DDX19B: variants seen among roughly 807,000 people sequenced by gnomAD.
DDX19B encodes ATP-dependent RNA helicase DDX19B.
A neutral mutation model predicts 58.1 loss-of-function variants in DDX19B; 27 were observed. The observed-to-expected ratio is 0.46, with a 90% CI of 0.34 to 0.64. The LOEUF (loss-of-function observed/expected upper bound fraction) is 0.64, where lower values mean the gene tolerates loss of function less well. Among genes scored for constraint, DDX19B ranks in the 30% least tolerant of loss-of-function variants. The pLI, the probability that DDX19B is intolerant of heterozygous loss-of-function variation, is 0.01. For synonymous variants in DDX19B, 187 were observed against 214.4 expected (o/e 0.87, Z 1.12); for missense variants, 399 against 596.5 (o/e 0.67, Z 3.45).
At position 70,333,561 on chromosome 16, in the gene DDX19B, G is replaced by C. The variant is rs1341163422; in HGVS notation, c.1419G>C (p.Glu473Asp). ...IERLDTDDLD[E>D]IEKIAN is the part of the protein sequence containing the mutation. ...GATTGGACACAGATGATTTGGACGA[G>C]ATTGAGAAAATAGCCAACTGAGAAG... Residue 473 changes from glutamate (E) to aspartate (D), a missense_variant, in exon 12 of 12, where the codon GAG becomes GAC. Coordinates refer to ENST00000288071, the MANE Select transcript of DDX19B (RefSeq NM_007242.7). 4 of 1,613,890 alleles carry C rather than the reference G, an allele frequency of 2.5e-6. No homozygotes were observed. The highest frequency in any genetic ancestry group is 3.4e-6 in the Non-Finnish European group (4 of 1,179,888).
chr16:70,294,137 A>C (rs890734283), upstream of DDX19B, among the ~76,000 whole-genome samples: 3 of 124,516 alleles, frequency 2.4e-5, no homozygotes, highest in African/African-American at 9.6e-5. Context: ...GCTGGAGTGC[A>C]GTGGCGCGAT....
intron 8 of DDX19B, 72 bp from the exon 9 acceptor site, chr16:70,329,759 C>T: frequency 6.3e-7 from 1 of 1,593,448 alleles, no homozygotes. Context: ...TAGACCCTCC[C>T]AGCTGGGAAG....
upstream of DDX19B, among the ~76,000 whole-genome samples, chr16:70,295,486 A>G (rs558049808): frequency 8.0e-4 from 121 of 150,942 alleles, no homozygotes; most frequent in African/African-American, 2.9e-3. Context: ...GGGTCTCCCT[A>G]TGTTGCCCAG....
intron 3 of DDX19B, 142 bp from the exon 4 acceptor site, chr16:70,315,827 T>A: frequency 8.5e-7 from 1 of 1,171,614 alleles, no homozygotes; most frequent in Non-Finnish European, 1.2e-6. Flanking sequence ...CTATTTTAAT[T>A]TATAAGTCAA....
At chr16:70,315,806 C>G (rs1962367531) in intron 3 of DDX19B, 163 bp from the exon 4 acceptor site, 2 of 1,030,162 alleles carry the variant, frequency 1.9e-6, no homozygotes, top group African/African-American at 3.2e-5. Context: ...TAACTTTTTT[C>G]TTTAATAAAA....
chr16:70,322,891 C>CAAAAAAA (rs113261271), intron 5 of DDX19B, among the ~76,000 whole-genome samples: 19 of 48,158 alleles, frequency 3.9e-4, no homozygotes, highest in Non-Finnish European at 8.0e-4. Context: ...AACTCCGTTG[C>CAAAAAAA]AAAAAAAAAA....
At chr16:70,307,675 A>ATG (rs35186561) in intron 1 of DDX19B, among the ~76,000 whole-genome samples, 9,439 of 149,384 alleles carry the variant, frequency 0.063, 814 homozygotes, top group African/African-American at 0.2. Context: ...ATGTATATAT[A>ATG]TGTGTGTGTG....
chr16:70,332,730 C>A (rs896316489), intron 10 of DDX19B, among the ~76,000 whole-genome samples: 5 of 152,174 alleles, frequency 3.3e-5, no homozygotes, highest in Admixed American at 2.6e-4. Context: ...CCTCTCCCTG[C>A]ACCCCACCCC....
intron 1 of DDX19B, among the ~76,000 whole-genome samples, chr16:70,307,257 T>C (rs1961803861): frequency 6.6e-6 from 1 of 152,216 alleles, no homozygotes; most frequent in Non-Finnish European, 1.5e-5. Context: ...CTGGATTATA[T>C]AGTAATTCTG....
At chr16:70,316,284 A>G in intron 4 of DDX19B, 180 bp downstream of exon 4, 1 of 791,886 alleles carries the variant, frequency 1.3e-6, no homozygotes, top group Non-Finnish European at 1.9e-6. Context: ...ATCTCGGCTC[A>G]CTGCAACCTC....
chr16:70,312,908 A>G lies in DDX19B; in HGVS notation c.106+251A>G, dbSNP rs142783309. Among the ~76,000 whole-genome samples, 116 of 152,276 alleles carry G rather than the reference A, an allele frequency of 7.6e-4. 1 individual carries two copies. Among genetic ancestry groups the G allele is most frequent in the African/African-American group, 2.4e-3 (100 of 41,566 alleles). ...GCCCAGGCTGGAGTGCAGTGGTTCA[A>G]TCATGGTTCACTGGAGCCTCAACCT... is the stretch of plus-strand genomic sequence containing the variant. On this transcript the variant is annotated intron_variant, in intron 2 of 11. Transcript: ENST00000288071.
chr16:70,314,812 C>G (rs1420016118), intron 2 of DDX19B, 90 bp from the exon 3 acceptor site: 1 of 1,467,966 alleles, frequency 6.8e-7, no homozygotes, highest in Non-Finnish European at 9.5e-7. Context: ...CAGGCCTTTA[C>G]AAAAACTTCT....
chr16:70,294,734 G>T, upstream of DDX19B: 1 of 849,512 alleles, frequency 1.2e-6, no homozygotes. Context: ...GCGCTGTACC[G>T]TCCCCTCAGC....
chr16:70,301,855 A>C (rs543393207), intron 1 of DDX19B, among the ~76,000 whole-genome samples: 49 of 150,562 alleles, frequency 3.3e-4, no homozygotes, highest in African/African-American at 1.1e-3. Context: ...ACAGGTGCGC[A>C]CCACTGCATA....
chr16:70,291,694 C>T (rs867528759), upstream of DDX19B, among the ~76,000 whole-genome samples: 21 of 152,098 alleles, frequency 1.4e-4, no homozygotes, highest in Middle Eastern at 0.01. Context: ...GCCTGTAGTC[C>T]CAGCTACTCT....
chr16:70,295,095 A>G, upstream of DDX19B: 6 of 1,273,256 alleles, frequency 4.7e-6, no homozygotes, highest in Non-Finnish European at 6.0e-6. Context: ...TTCAGGGGAA[A>G]CTGAGACTGG....
intron 7 of DDX19B, among the ~76,000 whole-genome samples, chr16:70,327,095 A>G (rs1266500315): frequency 1.3e-5 from 2 of 151,478 alleles, no homozygotes; most frequent in African/African-American, 4.8e-5. Flanking sequence ...TGGCCTCCCA[A>G]AGTGCTGGGA....
At chr16:70,331,389 A>G (rs999458928) in intron 9 of DDX19B, among the ~76,000 whole-genome samples, 1 of 152,236 alleles carries the variant, frequency 6.6e-6, no homozygotes, top group Non-Finnish European at 1.5e-5. Context: ...GGCTAAAGCC[A>G]CACTCTTCCT....
At chr16:70,306,024 A>G (rs1256689549) in intron 1 of DDX19B, among the ~76,000 whole-genome samples, 1 of 151,972 alleles carries the variant, frequency 6.6e-6, no homozygotes, top group African/African-American at 2.4e-5. Flanking sequence ...CGGCCTCCCA[A>G]AGTGCTGGGA....
Sources: gnomAD v4.1 joint callset for allele counts (sites outside exome capture counted in the v4.1 genomes callset) on GRCh38, gnomAD v4.1.1 for gene constraint, MANE v1.5 for transcripts, NCBI Gene and HGNC (gene_info 2026-07-23, HGNC 2026-07-21) for gene names.